The following MDGA1 variants were observed in gnomAD, a reference collection of about 807,000 sequenced individuals.
The protein encoded by MDGA1 is MAM domain-containing glycosylphosphatidylinositol anchor protein 1.
Under a neutral mutation model 101.5 loss-of-function variants are expected in MDGA1, and 54 were observed. That is an observed-to-expected ratio of 0.53 (90% CI 0.43 to 0.67). The LOEUF is 0.67. Among genes scored for constraint, MDGA1 ranks in the 30% least tolerant of loss-of-function variants. The pLI is 0.00. For missense variants in MDGA1, 1,083 were observed against 1,323.8 expected, an observed-to-expected ratio of 0.82 and a Z score of 2.82; for synonymous variants, 533 against 558.3, an observed-to-expected ratio of 0.95 and a Z score of 0.64.
At chr6:37,685,576 T>C (rs1463103290) in intron 1 of MDGA1, among the ~76,000 whole-genome samples, 1 of 152,160 alleles carries the variant, frequency 6.6e-6, no homozygotes, top group African/African-American at 2.4e-5. Context: ...TCCGTCTCTG[T>C]TCCCAGAAAT....
chr6:37,646,124 C>T (rs1761187645), intron 11 of MDGA1, 74 bp downstream of exon 11: 2 of 1,554,836 alleles, frequency 1.3e-6, no homozygotes, highest in African/African-American at 1.4e-5. Context: ...GCTTAGGAAC[C>T]ACATGAGGAT....
intron 7 of MDGA1, 69 bp downstream of exon 7, chr6:37,651,942 C>T (rs1426921027): frequency 7.4e-7 from 1 of 1,346,576 alleles, no homozygotes; most frequent in Non-Finnish European, 9.9e-7. Flanking sequence ...CCGTTGCCTC[C>T]CCACTACCTC....
intron 1 of MDGA1, among the ~76,000 whole-genome samples, chr6:37,687,920 G>A (rs555341352): frequency 6.6e-6 from 1 of 152,258 alleles, no homozygotes; most frequent in East Asian, 1.9e-4. Context: ...GCCAAACCTA[G>A]AGAACCAAGG....
intron 1 of MDGA1, among the ~76,000 whole-genome samples, chr6:37,664,842 GACACACACACACACACACACACAC>G (rs35594367): frequency 0.034 from 1,854 of 55,252 alleles, 23 homozygotes; most frequent in Middle Eastern, 0.047. Context: ...CCTAACCTAA[GACACACACACACACACACACACAC>G]ACACACACAC....
chr6:37,665,213 G>C (rs1442073202), intron 1 of MDGA1, among the ~76,000 whole-genome samples: 1 of 152,112 alleles, frequency 6.6e-6, no homozygotes, highest in Non-Finnish European at 1.5e-5. Context: ...CAGCCCCCCA[G>C]TGCTTAAACT....
At chr6:37,677,921 G>A (rs4714093) in intron 1 of MDGA1, among the ~76,000 whole-genome samples, 20,374 of 152,168 alleles carry the variant, frequency 0.13, 1,464 homozygotes, top group Admixed American at 0.19. Flanking sequence ...CAGCTGCAGG[G>A]GGAGATAGGG....
At chr6:37,690,147 G>A (rs1368520781) in intron 1 of MDGA1, among the ~76,000 whole-genome samples, 1 of 152,186 alleles carries the variant, frequency 6.6e-6, no homozygotes, top group Non-Finnish European at 1.5e-5. Context: ...CAGGGCCTTT[G>A]CAGCGGCTAT....
At chr6:37,680,914 G>A (rs1264281337) in intron 1 of MDGA1, among the ~76,000 whole-genome samples, 4 of 152,138 alleles carry the variant, frequency 2.6e-5, no homozygotes, top group African/African-American at 9.7e-5. Flanking sequence ...CCACAACTGA[G>A]CTCTCCAGCT....
chr6:37,671,411 A>G (rs4992764), intron 1 of MDGA1, among the ~76,000 whole-genome samples: 40,788 of 152,092 alleles, frequency 0.27, 6,576 homozygotes, highest in Non-Finnish European at 0.36. Context: ...AGCTTAATAC[A>G]AAACTGACAG....
chr6:37,658,486 T>C, intron 2 of MDGA1, 67 bp from the exon 3 acceptor site: 1 of 1,458,364 alleles, frequency 6.9e-7, no homozygotes, highest in Non-Finnish European at 9.2e-7. Context: ...CAGCGCTGAG[T>C]GCCCTGCAAC....
At chr6:37,660,300 G>A (rs1012539553) in intron 2 of MDGA1, among the ~76,000 whole-genome samples, 1 of 151,910 alleles carries the variant, frequency 6.6e-6, no homozygotes, top group Non-Finnish European at 1.5e-5. Flanking sequence ...ACAGGTGTGA[G>A]CCACTGCACC....
At chr6:37,663,831 A>G in intron 2 of MDGA1, 136 bp downstream of exon 2, 1 of 959,550 alleles carries the variant, frequency 1.0e-6, no homozygotes, top group Middle Eastern at 3.4e-4. Context: ...CTATTTCCCC[A>G]GCCCCCATCT....
rs1297579149 is a variant in MDGA1, at chr6:37,633,097, G to A, written c.*4271C>T. ...TCCCTCTGGACCTCGCCTGTACAAT[G>A]GGGGCACCAGCTTAGATGCTCCCTA... On this transcript the variant is annotated 3_prime_UTR_variant, in exon 17 of 17. Coordinates refer to ENST00000434837, the MANE Select transcript of MDGA1 (RefSeq NM_153487.4). The A allele has an allele frequency of 6.6e-6, 1 of 152,096 alleles. No homozygotes were observed. The highest frequency in any genetic ancestry group is 6.6e-5 in the Admixed American group (1 of 15,260). 9.4% of individuals were successfully genotyped at this position (152,096 alleles called of 1,614,324 possible).
At position 37,650,388 on chromosome 6, in the gene MDGA1, C is replaced by T. The variant is rs1179132546; in HGVS notation, c.1330G>A (p.Val444Met). ...GTCACCACGGCCCTACCCTTGGGCA[C>T]ACTGATGGTGGGCGGCACTGTGGGG... ...SSETVPPTISVPKGRAVVTVR... is the reference protein window; with the variant it reads ...SSETVPPTISMPKGRAVVTVR... The change falls in exon 8 of 17, where the codon GTG becomes ATG. Residue 444 changes from valine to methionine, a missense_variant. Val to Met is a conservative substitution (Grantham distance 21). Transcript: ENST00000434837. 1 of 1,554,666 alleles carries T rather than the reference C, an allele frequency of 6.4e-7. No individual in the cohort carries two copies. Among genetic ancestry groups the T allele is most frequent in the Non-Finnish European group, 8.7e-7 (1 of 1,148,024 alleles).
At chr6:37,679,951 C>T (rs558150506) in intron 1 of MDGA1, among the ~76,000 whole-genome samples, 4 of 152,182 alleles carry the variant, frequency 2.6e-5, no homozygotes, top group Admixed American at 6.5e-5. Flanking sequence ...TGCCTCCCTA[C>T]GCTCCCACCT....
intron 2 of MDGA1, among the ~76,000 whole-genome samples, chr6:37,658,968 CAAAAAAAA>C (rs34087406): frequency 3.7e-5 from 4 of 109,510 alleles, no homozygotes; most frequent in Non-Finnish European, 3.5e-5. Context: ...AAGACTGTTT[CAAAAAAAA>C]AAAAAAAAAA....
chr6:37,681,513 G>A (rs1762097052), intron 1 of MDGA1, among the ~76,000 whole-genome samples: 2 of 152,178 alleles, frequency 1.3e-5, no homozygotes, highest in Admixed American at 1.3e-4. Flanking sequence ...CCCTAAAGAG[G>A]TCTGTAGGAC....
chr6:37,661,213 ATG>A (rs1472202507), intron 2 of MDGA1, among the ~76,000 whole-genome samples: 1 of 152,068 alleles, frequency 6.6e-6, no homozygotes, highest in East Asian at 1.9e-4. Flanking sequence ...CATACCCCTT[ATG>A]TGTGTGTTAA....
At chr6:37,681,375 G>A (rs1165044089) in intron 1 of MDGA1, among the ~76,000 whole-genome samples, 2 of 152,088 alleles carry the variant, frequency 1.3e-5, no homozygotes, top group African/African-American at 4.8e-5. Flanking sequence ...TACCCAGGCT[G>A]GACATAAGTC....
Sources: gnomAD v4.1 joint callset for allele counts (sites outside exome capture counted in the v4.1 genomes callset) on GRCh38, gnomAD v4.1.1 for gene constraint, MANE v1.5 for transcripts, NCBI Gene and HGNC (gene_info 2026-07-23, HGNC 2026-07-21) for gene names.